RBMS3: variants seen among roughly 807,000 people sequenced by gnomAD.
RBMS3 encodes the protein RNA binding motif single stranded interacting protein 3.
A neutral mutation model predicts 66.8 loss-of-function variants in RBMS3; 27 were observed. The observed-to-expected ratio is 0.40, with a 90% CI of 0.30 to 0.56. RBMS3 has a LOEUF of 0.56. RBMS3 is among the 20% of genes least tolerant of loss of function. The pLI is 0.40. For synonymous variants in RBMS3, 188 were observed against 183.0 expected (o/e 1.03, Z -0.22); for missense variants, 513 against 549.5 (o/e 0.93, Z 0.66).
chr3:29,287,599 A>T (rs1294796628), intron 1 of RBMS3, among the ~76,000 whole-genome samples: 1 of 152,098 alleles, frequency 6.6e-6, no homozygotes, highest in Admixed American at 6.6e-5. Flanking sequence ...AAGGACATAC[A>T]ACTTTTGCTT....
At chr3:29,680,961 GC>G (rs1418546752) in intron 4 of RBMS3, among the ~76,000 whole-genome samples, 4 of 152,092 alleles carry the variant, frequency 2.6e-5, no homozygotes, top group African/African-American at 9.7e-5. Context: ...AAATAACATT[GC>G]TGTCACCCTG....
chr3:29,785,146 A>T (rs1309044606), intron 6 of RBMS3, among the ~76,000 whole-genome samples: 1 of 152,044 alleles, frequency 6.6e-6, no homozygotes, highest in Non-Finnish European at 1.5e-5. Context: ...TAAAGAGGGG[A>T]TCTTCCCTAA....
chr3:29,632,826 G>A (rs2049334730), intron 4 of RBMS3, among the ~76,000 whole-genome samples: 2 of 151,822 alleles, frequency 1.3e-5, no homozygotes, highest in Non-Finnish European at 2.9e-5. Flanking sequence ...GACAGTGCAA[G>A]AACAAGGCCC....
intron 2 of RBMS3, among the ~76,000 whole-genome samples, chr3:29,442,052 A>G (rs891663402): frequency 1.3e-5 from 2 of 152,194 alleles, no homozygotes; most frequent in Non-Finnish European, 2.9e-5. Flanking sequence ...GTTTTCAAGG[A>G]TGTCCTTGGA....
chr3:29,329,335 T>A (rs77852337), intron 1 of RBMS3, among the ~76,000 whole-genome samples: 1 of 152,086 alleles, frequency 6.6e-6, no homozygotes, highest in African/African-American at 2.4e-5. Flanking sequence ...TCATGTGTAA[T>A]TAAAATCTGG....
chr3:29,672,162 C>T (rs1167418992), intron 4 of RBMS3, among the ~76,000 whole-genome samples: 3 of 152,104 alleles, frequency 2.0e-5, no homozygotes, highest in African/African-American at 7.2e-5. Context: ...ATTTTCAACC[C>T]AGAATTTCAT....
At chr3:29,874,294 G>C (rs2059559726) in intron 7 of RBMS3, among the ~76,000 whole-genome samples, 1 of 152,110 alleles carries the variant, frequency 6.6e-6, no homozygotes, top group African/African-American at 2.4e-5. Context: ...AAAATAAGGA[G>C]AAACTGAAGC....
intron 8 of RBMS3, among the ~76,000 whole-genome samples, chr3:29,891,371 C>T (rs750090288): frequency 2.0e-5 from 3 of 151,554 alleles, no homozygotes; most frequent in Non-Finnish European, 4.4e-5. Context: ...TTCTCTAGGA[C>T]TCTGAAGGGT....
chr3:29,346,396 CTTTTTTTTTT>C (rs34803214), intron 1 of RBMS3, among the ~76,000 whole-genome samples: 2 of 59,962 alleles, frequency 3.3e-5, no homozygotes, highest in Non-Finnish European at 5.9e-5. Flanking sequence ...GCAATTCATT[CTTTTTTTTTT>C]TTTTTTTTTT....
At chr3:29,317,945 T>C (rs2034786376) in intron 1 of RBMS3, among the ~76,000 whole-genome samples, 1 of 151,848 alleles carries the variant, frequency 6.6e-6, no homozygotes, top group African/African-American at 2.4e-5. Context: ...TGAACTTCAG[T>C]GATGAATGCA....
intron 12 of RBMS3, among the ~76,000 whole-genome samples, chr3:29,967,255 CA>C (rs1294230091): frequency 2.0e-5 from 3 of 152,064 alleles, no homozygotes; most frequent in Non-Finnish European, 2.9e-5. Context: ...GGAATAGTGT[CA>C]AAAGGATTGG....
intron 4 of RBMS3, among the ~76,000 whole-genome samples, chr3:29,630,165 T>C (rs945196168): frequency 6.6e-6 from 1 of 152,036 alleles, no homozygotes; most frequent in Non-Finnish European, 1.5e-5. Flanking sequence ...CATCTCATTT[T>C]CCATGGAACA....
At chr3:29,282,031 T>TA (rs1184894245) in intron 1 of RBMS3, among the ~76,000 whole-genome samples, 1 of 152,178 alleles carries the variant, frequency 6.6e-6, no homozygotes, top group Non-Finnish European at 1.5e-5. Context: ...ATGGTCCTGA[T>TA]ATCAGGAACG....
intron 6 of RBMS3, among the ~76,000 whole-genome samples, chr3:29,854,153 G>T (rs2059013437): frequency 6.6e-6 from 1 of 152,112 alleles, no homozygotes; most frequent in Non-Finnish European, 1.5e-5. Flanking sequence ...CTGCTCCCCA[G>T]CCTCCTCCCA....
At chr3:29,418,997 TC>T in intron 1 of RBMS3, among the ~76,000 whole-genome samples, 1 of 152,170 alleles carries the variant, frequency 6.6e-6, no homozygotes, top group Non-Finnish European at 1.5e-5. Context: ...CTTAAAACTG[TC>T]ACTCTGGGTA....
chr3:29,870,256 C>T lies in RBMS3; in HGVS notation c.744+1292C>T, dbSNP rs2059457776. On this transcript the variant is annotated intron_variant, in intron 7 of 14. Coordinates refer to ENST00000383767, the MANE Select transcript of RBMS3 (RefSeq NM_001003793.3). Reference sequence around the variant, plus strand: ...TGCATCAGCAGATAACCCTATTGGCCTCAGAAGACAACTGATGCCTGATAG... The same window carrying T: ...TGCATCAGCAGATAACCCTATTGGCTTCAGAAGACAACTGATGCCTGATAG... Among the ~76,000 whole-genome samples, 4 of 152,072 alleles carry T rather than the reference C, an allele frequency of 2.6e-5. No homozygotes were observed. In the South Asian group the frequency reaches 8.3e-4, roughly 32 times the overall value.
chr3:29,288,245 G>A (rs17023170), intron 1 of RBMS3, among the ~76,000 whole-genome samples: 2,809 of 152,014 alleles, frequency 0.018, 86 homozygotes, highest in African/African-American at 0.064. Flanking sequence ...AGGTGACCTC[G>A]GTTTTGTGTC....
intron 6 of RBMS3, among the ~76,000 whole-genome samples, chr3:29,845,355 G>C (rs916808388): frequency 1.3e-5 from 2 of 152,160 alleles, no homozygotes; most frequent in African/African-American, 4.8e-5. Flanking sequence ...TCATAAGACT[G>C]TTATAGTGAC....
intron 1 of RBMS3, among the ~76,000 whole-genome samples, chr3:29,298,757 T>C (rs1047373919): frequency 5.9e-5 from 9 of 151,932 alleles, no homozygotes; most frequent in African/African-American, 2.2e-4. Flanking sequence ...TTTCAGTGTT[T>C]GTGCAATGTT....
Sources: allele counts gnomAD v4.1 joint callset (sites outside exome capture counted in the v4.1 genomes callset), GRCh38; gene constraint gnomAD v4.1.1; transcripts MANE v1.5; gene names NCBI Gene and HGNC (gene_info 2026-07-23, HGNC 2026-07-21).